NCKAP5: variants seen among roughly 807,000 people sequenced by gnomAD.
NCKAP5 encodes NCK associated protein 5.
In NCKAP5, 92 loss-of-function variants were observed where a neutral mutation model predicts 167.0. The ratio of observed to expected loss-of-function variants is 0.55; its 90% CI spans 0.47 to 0.66. The LOEUF (loss-of-function observed/expected upper bound fraction) is 0.66. Among genes scored for constraint, NCKAP5 ranks in the 30% least tolerant of loss-of-function variants. The pLI, the probability that NCKAP5 is intolerant of heterozygous loss-of-function variation, is 0.00. For missense variants in NCKAP5, 2,378 were observed against 2,315.0 expected (o/e 1.03, Z -0.56); for synonymous variants, 891 against 877.4 (o/e 1.02, Z -0.27).
chr2:133,391,414 G>C (rs1448237728), intron 3 of NCKAP5: 1 of 152,780 alleles, frequency 6.5e-6, no homozygotes, highest in Non-Finnish European at 1.5e-5. Flanking sequence ...TCTAAGTCTT[G>C]AGTCCAGACA....
the NCKAP5 span, among the ~76,000 whole-genome samples, chr2:133,606,687 A>T: frequency 6.9e-6 from 1 of 144,926 alleles, no homozygotes; most frequent in Non-Finnish European, 1.5e-5. Flanking sequence ...CCTGATGCAC[A>T]CCAAGCTTGA....
Position 132,782,959 on chromosome 2 carries a change from G to C in NCKAP5, c.3852C>G (p.Asp1284Glu), listed in dbSNP as rs1346062803. The change falls in exon 14 of 20, where the codon GAC becomes GAG. Residue 1284 changes from aspartate to glutamate, a missense_variant. Coordinates refer to ENST00000409261, the MANE Select transcript of NCKAP5 (RefSeq NM_207363.3). Reference sequence around the variant, plus strand: ...CTTCGATGGGGGGCGTAGAAGGCTTGTCTCCTGAGTGTGTACTGAAGCTGT... The same window carrying C: ...CTTCGATGGGGGGCGTAGAAGGCTTCTCTCCTGAGTGTGTACTGAAGCTGT... Reference protein sequence around the residue: ...RSHSFSTHSGDKPSTPPIEGS... With the variant: ...RSHSFSTHSGEKPSTPPIEGS... 6.8e-6 allele frequency: 11 copies of C among 1,613,896 alleles called. No homozygotes were observed. The highest frequency in any genetic ancestry group is 1.3e-5 in the African/African-American group (1 of 74,938).
chr2:132,713,796 C>T (rs1210927204), intron 19 of NCKAP5, among the ~76,000 whole-genome samples: 3 of 151,966 alleles, frequency 2.0e-5, no homozygotes, highest in Non-Finnish European at 4.4e-5. Context: ...GTGGGGGGTT[C>T]ATAAATAGAG....
At chr2:132,821,022 G>A (rs919513704) in intron 11 of NCKAP5, among the ~76,000 whole-genome samples, 3 of 152,198 alleles carry the variant, frequency 2.0e-5, no homozygotes, top group South Asian at 4.1e-4. Context: ...GTGAGATGGT[G>A]GAGAGGAGAC....
At chr2:132,842,706 C>T (rs534905762) in intron 11 of NCKAP5, among the ~76,000 whole-genome samples, 7 of 151,080 alleles carry the variant, frequency 4.6e-5, no homozygotes, top group East Asian at 3.9e-4. Flanking sequence ...GCCACCATGC[C>T]CGGATGATTT....
the NCKAP5 span, among the ~76,000 whole-genome samples, chr2:133,651,944 G>A: frequency 5.9e-5 from 9 of 152,122 alleles, no homozygotes; most frequent in African/African-American, 1.9e-4. Context: ...CTCCCTCCCC[G>A]TCTTAGGAGT....
At chr2:133,194,142 CT>C (rs912706903) in intron 5 of NCKAP5, among the ~76,000 whole-genome samples, 1 of 152,098 alleles carries the variant, frequency 6.6e-6, no homozygotes, top group East Asian at 1.9e-4. Context: ...TCTAAGGCTC[CT>C]TTTTTTAAAA....
At chr2:132,686,498 G>A (rs1685957736) in intron 19 of NCKAP5, among the ~76,000 whole-genome samples, 1 of 152,150 alleles carries the variant, frequency 6.6e-6, no homozygotes, top group East Asian at 1.9e-4. Flanking sequence ...GGTTGCCATA[G>A]CTCAGTCTCC....
At chr2:133,591,225 G>A in the NCKAP5 span, among the ~76,000 whole-genome samples, 2 of 152,192 alleles carry the variant, frequency 1.3e-5, no homozygotes, top group Non-Finnish European at 2.9e-5. Flanking sequence ...AGATACTGAT[G>A]ATCAACATTA....
At chr2:132,991,443 T>C (rs901160354) in intron 7 of NCKAP5, among the ~76,000 whole-genome samples, 6 of 152,220 alleles carry the variant, frequency 3.9e-5, no homozygotes, top group African/African-American at 1.4e-4. Flanking sequence ...TCTCAGTTGC[T>C]GAACAGAAAA....
At chr2:133,380,686 G>A (rs1478475290) in intron 3 of NCKAP5, among the ~76,000 whole-genome samples, 1 of 152,154 alleles carries the variant, frequency 6.6e-6, no homozygotes, top group Non-Finnish European at 1.5e-5. Flanking sequence ...TGTGCTGCCA[G>A]GCAAGCACCT....
chr2:133,439,973 G>A (rs556317291), intron 3 of NCKAP5, among the ~76,000 whole-genome samples: 3 of 152,230 alleles, frequency 2.0e-5, no homozygotes, highest in South Asian at 2.1e-4. Context: ...TTTTGTAAGC[G>A]TTCCTCGGGT....
At chr2:133,603,609 G>A in the NCKAP5 span, among the ~76,000 whole-genome samples, 2 of 150,894 alleles carry the variant, frequency 1.3e-5, no homozygotes, top group African/African-American at 4.9e-5. Context: ...CACAACCTCA[G>A]CTCACTGCAA....
intron 3 of NCKAP5, among the ~76,000 whole-genome samples, chr2:133,431,037 G>A (rs567749433): frequency 1.1e-4 from 17 of 151,886 alleles, no homozygotes; most frequent in African/African-American, 3.1e-4. Flanking sequence ...GAGACAGAGA[G>A]TTTTCTAGCT....
At chr2:132,775,340 T>C (rs138154529) in intron 15 of NCKAP5, among the ~76,000 whole-genome samples, 2 of 152,348 alleles carry the variant, frequency 1.3e-5, no homozygotes, top group East Asian at 3.9e-4. Context: ...TATTAGAATG[T>C]AATTGGTGCT....
chr2:133,024,352 A>G (rs942901624), intron 6 of NCKAP5, among the ~76,000 whole-genome samples: 1 of 152,224 alleles, frequency 6.6e-6, no homozygotes, highest in Non-Finnish European at 1.5e-5. Flanking sequence ...AAGATATCAA[A>G]TGAGAATAAT....
chr2:133,313,731 T>C (rs79663680), intron 3 of NCKAP5, among the ~76,000 whole-genome samples: 2,736 of 152,252 alleles, frequency 0.018, 70 homozygotes, highest in African/African-American at 0.061. Flanking sequence ...TTTGTCAGCA[T>C]GGCAGTAATT....
chr2:133,518,466 T>G (rs1438216268), intron 2 of NCKAP5, among the ~76,000 whole-genome samples: 2 of 132,454 alleles, frequency 1.5e-5, no homozygotes, highest in Non-Finnish European at 3.4e-5. Context: ...GCCATTCTCC[T>G]GCCTCAGCCT....
Position 132,784,876 on chromosome 2 carries a change from C to T in NCKAP5, c.1935G>A (p.Arg645=), listed in dbSNP as rs1214569226. 3 of 1,562,278 alleles carry T rather than the reference C, an allele frequency of 1.9e-6. No individual in the cohort carries two copies. Among genetic ancestry groups the T allele is most frequent in the South Asian group, 2.5e-5 (2 of 81,228 alleles). Residue 645 remains arginine, a synonymous_variant, in exon 14 of 20, where the codon AGG becomes AGA. Coordinates refer to ENST00000409261, the MANE Select transcript of NCKAP5 (RefSeq NM_207363.3). ...GCTTAATGAAACTAAAAGTCTTTGG[C>T]CTAGTCTCTGAAGGGATGGGCACTT... ...EKQVPIPSET[R]PKTFSFIKQQ... is the part of the protein sequence containing the mutation.
Sources: gnomAD v4.1 joint callset for allele counts (sites outside exome capture counted in the v4.1 genomes callset) on GRCh38, gnomAD v4.1.1 for gene constraint, MANE v1.5 for transcripts, NCBI Gene and HGNC (gene_info 2026-07-23, HGNC 2026-07-21) for gene names.